Variants in ADGRV1 observed in about 807,000 individuals in gnomAD.
The protein encoded by ADGRV1 is G-protein coupled receptor 98.
In ADGRV1, 359 loss-of-function variants were observed where a neutral mutation model predicts 596.2. The observed-to-expected ratio is 0.60, with a 90% CI of 0.55 to 0.66. The LOEUF is 0.66. ADGRV1 is among the 30% of genes least tolerant of loss of function. ADGRV1 has a pLI of 0.00. For synonymous variants in ADGRV1, 2,681 were observed against 2,679.2 expected, an observed-to-expected ratio of 1.00 and a Z score of -0.02; for missense variants, 7,274 against 7,575.6, an observed-to-expected ratio of 0.96 and a Z score of 1.48.
Position 90,628,768 on chromosome 5 carries a change from C to CT in ADGRV1, c.1447dup (p.Tyr483LeufsTer29). 6.2e-7 allele frequency: 1 copy of CT among 1,613,972 alleles called. No individual in the cohort carries two copies. The highest frequency in any genetic ancestry group is 8.5e-7 in the Non-Finnish European group (1 of 1,179,850). On this transcript the variant is annotated frameshift_variant, in exon 8 of 90. Coordinates refer to ENST00000405460, the MANE Select transcript of ADGRV1 (RefSeq NM_032119.4). LOFTEE classifies it high-confidence loss of function. ...GATGATCTTCCAGAAGAGGCAGAAG[C>CT]TTATCTACTTCAAATTCTGCCTCAT... is the stretch of plus-strand genomic sequence containing the variant.
Position 90,692,645 on chromosome 5 carries a change from C to T in ADGRV1, c.6992C>T (p.Thr2331Ile), listed in dbSNP as rs1392074977. Residue 2331 changes from threonine (T) to isoleucine (I), a missense_variant, in exon 32 of 90, where the codon ACT (threonine) becomes ATT (isoleucine). Transcript: ENST00000405460. ...VQLTDASGGGTIGLDRIANII... is the reference protein window; with the variant it reads ...VQLTDASGGGIIGLDRIANII... ...CTAACTGATGCCTCTGGTGGAGGTACTATTGGGTTAGATCGAATTGCAAAT... is the reference window on the plus strand; with the variant it reads ...CTAACTGATGCCTCTGGTGGAGGTATTATTGGGTTAGATCGAATTGCAAAT... 3 of 1,611,404 alleles carry T rather than the reference C, an allele frequency of 1.9e-6. No homozygotes were observed. Among genetic ancestry groups the T allele is most frequent in the South Asian group, 2.2e-5 (2 of 90,554 alleles).
chr5:90,627,995 T>G (rs1168334500), intron 7 of ADGRV1: 3 of 354,348 alleles, frequency 8.5e-6, no homozygotes, highest in East Asian at 9.2e-5. Flanking sequence ...ATGGCTTCAC[T>G]GTTTTCTTTC....
At chr5:90,976,216 GTA>G (rs150711342) in intron 84 of ADGRV1, among the ~76,000 whole-genome samples, 3,629 of 139,272 alleles carry the variant, frequency 0.026, 95 homozygotes, top group Admixed American at 0.066. Context: ...GTGTGAGTGT[GTA>G]TATATATATA....
At chr5:90,753,943 C>T in intron 54 of ADGRV1, 114 bp downstream of exon 54, 3 of 1,040,070 alleles carry the variant, frequency 2.9e-6, no homozygotes, top group East Asian at 2.7e-5. Flanking sequence ...TTCAGTTTGG[C>T]AGGTCATACT....
chr5:90,685,890 G>A lies in ADGRV1; in HGVS notation c.6385G>A (p.Val2129Met), dbSNP rs1262677260. The A allele has an allele frequency of 6.2e-7, 1 of 1,612,478 alleles. No individual in the cohort carries two copies. The highest frequency in any genetic ancestry group is 8.5e-7 in the Non-Finnish European group (1 of 1,178,934). The change falls in exon 29 of 90, where the codon GTG (valine) becomes ATG (methionine). Residue 2129 changes from valine (V) to methionine (M), a missense_variant. By Grantham distance (21) the Val-to-Met change is conservative. This residue lies in a region of ADGRV1 where 3,643 missense variants were observed against 3,809.2 expected (regional missense o/e 0.96). Transcript: ENST00000405460. ...TCAGCTCTCAGCACCAATTGTCCGAGTGGCAGAAAATCATGTTGGACCCAT... is the reference window on the plus strand; with the variant it reads ...TCAGCTCTCAGCACCAATTGTCCGAATGGCAGAAAATCATGTTGGACCCAT... ...TLQLSAPIVR[V>M]AENHVGPIIN... is the part of the protein sequence containing the mutation.
At chr5:91,089,385 C>T (rs2126566173) in intron 86 of ADGRV1, among the ~76,000 whole-genome samples, 1 of 151,884 alleles carries the variant, frequency 6.6e-6, no homozygotes, top group South Asian at 2.1e-4. Flanking sequence ...AAGGATTTAA[C>T]TCAAGTAGAC....
At chr5:91,016,661 C>G (rs556271573) in intron 85 of ADGRV1, among the ~76,000 whole-genome samples, 64 of 151,960 alleles carry the variant, frequency 4.2e-4, no homozygotes, top group Admixed American at 1.1e-3. Flanking sequence ...ATGACGCTCA[C>G]CTGCTCCAGC....
intron 73 of ADGRV1, among the ~76,000 whole-genome samples, chr5:90,809,100 G>T (rs1338625380): frequency 3.3e-5 from 5 of 151,710 alleles, no homozygotes; most frequent in African/African-American, 1.2e-4. Context: ...GGGACGACAG[G>T]CACCTGCCAC....
intron 85 of ADGRV1, among the ~76,000 whole-genome samples, chr5:91,061,792 T>C (rs902097800): frequency 6.6e-5 from 10 of 152,232 alleles, no homozygotes; most frequent in Non-Finnish European, 1.3e-4. Flanking sequence ...CTCACCATGG[T>C]GTGGAGTGTG....
chr5:90,629,510 C>T lies in ADGRV1; in HGVS notation c.1810C>T (p.Leu604Phe). Residue 604 changes from leucine to phenylalanine, a missense_variant, in exon 9 of 90, where the codon CTT (leucine) becomes TTT (phenylalanine). By Grantham distance (22) the Leu-to-Phe change is conservative. Coordinates refer to ENST00000405460, the MANE Select transcript of ADGRV1 (RefSeq NM_032119.4). The stretch of plus-strand genomic sequence containing the variant: ...ATTACCAATAAGAAATGATGCATTC[C>T]TTCAAAATGGAGCTCACTTTCTAGT... ...TKLPIRNDAF[L>F]QNGAHFLVQL... is the part of the protein sequence containing the mutation. The T allele has an allele frequency of 6.2e-7, 1 of 1,611,988 alleles. No homozygotes were observed. The highest frequency in any genetic ancestry group is 8.5e-7 in the Non-Finnish European group (1 of 1,179,194).
intron 85 of ADGRV1, among the ~76,000 whole-genome samples, chr5:91,038,689 G>C (rs943266160): frequency 5.3e-5 from 8 of 152,140 alleles, no homozygotes; most frequent in African/African-American, 1.7e-4. Flanking sequence ...TTCTATTTCA[G>C]TGACAGCAAG....
intron 83 of ADGRV1, among the ~76,000 whole-genome samples, chr5:90,874,326 T>TA (rs1270016234): frequency 1.3e-5 from 2 of 152,204 alleles, no homozygotes; most frequent in East Asian, 3.9e-4. Context: ...ACTCAACTCT[T>TA]ACGTTACCAC....
chr5:91,016,798 A>G (rs545291161), intron 85 of ADGRV1, among the ~76,000 whole-genome samples: 34 of 152,062 alleles, frequency 2.2e-4, no homozygotes, highest in African/African-American at 7.7e-4. Flanking sequence ...CTATGTGCCA[A>G]TTGCTCTAGT....
chr5:90,903,044 A>G (rs1308604485), intron 83 of ADGRV1, among the ~76,000 whole-genome samples: 1 of 152,150 alleles, frequency 6.6e-6, no homozygotes, highest in Non-Finnish European at 1.5e-5. Flanking sequence ...CTATGTTTTT[A>G]TGAACCATGT....
intron 84 of ADGRV1, among the ~76,000 whole-genome samples, chr5:90,981,354 G>A (rs1444782284): frequency 6.6e-6 from 1 of 152,198 alleles, no homozygotes; most frequent in Admixed American, 6.5e-5. Context: ...GGGTAACTTT[G>A]AATAGAATGG....
chr5:90,972,599 A>G (rs1300652672), intron 84 of ADGRV1, among the ~76,000 whole-genome samples: 1 of 152,240 alleles, frequency 6.6e-6, no homozygotes, highest in Non-Finnish European at 1.5e-5. Flanking sequence ...CTCCTGAATG[A>G]CTACTGGGTA....
Position 90,745,617 on chromosome 5 carries a change from G to C in ADGRV1, c.10796G>C (p.Gly3599Ala), listed in dbSNP as rs145294917. 1,037 of 1,611,954 alleles carry C rather than the reference G, an allele frequency of 6.4e-4. 8 individuals are homozygous for C. In the African/African-American group the frequency reaches 0.012, roughly 19 times the overall value. ...TCAGGTGAACTGATATTTGAACCTG[G>C]TGAGAGAGAAGCTACAATAGCAGTA... ...PSSGELIFEP[G>A]EREATIAVNI... The change falls in exon 52 of 90, where the codon GGT (glycine) becomes GCT (alanine). Residue 3599 changes from glycine to alanine, a missense_variant. Around this residue, in one of 5 missense-constraint regions of ADGRV1, gnomAD observed 3,643 missense variants for 3,809.2 expected, o/e 0.96. Transcript: ENST00000405460.
chr5:90,987,493 A>G (rs990227756), intron 85 of ADGRV1, among the ~76,000 whole-genome samples: 2 of 143,168 alleles, frequency 1.4e-5, no homozygotes, highest in African/African-American at 5.2e-5. Flanking sequence ...AAAAAAAATT[A>G]TTAGATCAGC....
intron 85 of ADGRV1, among the ~76,000 whole-genome samples, chr5:91,002,522 G>T (rs1171760803): frequency 2.6e-5 from 4 of 151,804 alleles, no homozygotes; most frequent in Non-Finnish European, 5.9e-5. Flanking sequence ...ACCTTTATTT[G>T]GGCCTTATTT....
Sources: gnomAD v4.1 joint callset for allele counts (sites outside exome capture counted in the v4.1 genomes callset) on GRCh38, gnomAD v4.1.1 for gene constraint, gnomAD v4.1.1 regional missense constraint, MANE v1.5 for transcripts, NCBI Gene and HGNC (gene_info 2026-07-23, HGNC 2026-07-21) for gene names.